EYA3: variants seen among roughly 807,000 people sequenced by gnomAD.
The protein encoded by EYA3 is protein phosphatase EYA3.
Under a neutral mutation model 80.0 loss-of-function variants are expected in EYA3, and 39 were observed. The ratio of observed to expected loss-of-function variants is 0.49; its 90% CI spans 0.38 to 0.64. The LOEUF is 0.64. Among genes scored for constraint, EYA3 ranks in the 30% least tolerant of loss-of-function variants. The pLI, the probability that EYA3 is intolerant of heterozygous loss-of-function variation, is 0.00. For missense variants in EYA3, 523 were observed against 676.1 expected (o/e 0.77, Z 2.51); for synonymous variants, 206 against 232.8 (o/e 0.88, Z 1.05).
intron 1 of EYA3, among the ~76,000 whole-genome samples, chr1:28,073,703 T>C (rs922718674): frequency 4.6e-5 from 7 of 152,152 alleles, no homozygotes; most frequent in Non-Finnish European, 8.8e-5. Flanking sequence ...CCCAGAGTGC[T>C]AGGATTACAG....
chr1:28,014,800 T>A (rs113621352), intron 8 of EYA3, among the ~76,000 whole-genome samples: 5 of 152,282 alleles, frequency 3.3e-5, no homozygotes, highest in African/African-American at 1.2e-4. Context: ...TGGCAAAACT[T>A]ACTAAACTGT....
intron 11 of EYA3, among the ~76,000 whole-genome samples, chr1:28,001,099 T>C (rs562107207): frequency 5.1e-4 from 77 of 151,348 alleles, no homozygotes; most frequent in Non-Finnish European, 9.4e-4. Context: ...TTTATACACA[T>C]ATCTATATCA....
At chr1:28,084,731 C>A (rs1645589638) in intron 1 of EYA3, among the ~76,000 whole-genome samples, 1 of 148,534 alleles carries the variant, frequency 6.7e-6, no homozygotes, top group African/African-American at 2.5e-5. Context: ...GCCTCAGTCT[C>A]CCGAGTAGCT....
At chr1:28,063,639 C>G (rs906888874) in intron 1 of EYA3, among the ~76,000 whole-genome samples, 4 of 152,150 alleles carry the variant, frequency 2.6e-5, no homozygotes, top group African/African-American at 9.7e-5. Context: ...TGAGCCACCA[C>G]ATCCGGCCTA....
chr1:28,007,112 T>A lies in EYA3; in HGVS notation c.910-2693A>T, dbSNP rs1323949189. On this transcript the variant is annotated intron_variant, in intron 10 of 17. Transcript: ENST00000373871. ...TGCACCACCAGGTCCGGCTAATTTT[T>A]TTTTATTTTTGTACTTTCAGTAGAG... 2.6e-5 allele frequency among the ~76,000 whole-genome samples: 4 copies of A among 151,598 alleles called. No homozygotes were observed. In the East Asian group the frequency reaches 7.8e-4, roughly 29 times the overall value.
At chr1:28,006,465 G>C (rs1345583927) in intron 10 of EYA3, among the ~76,000 whole-genome samples, 1 of 152,182 alleles carries the variant, frequency 6.6e-6, no homozygotes, top group African/African-American at 2.4e-5. Context: ...CCAGCACTTT[G>C]AGAGACTGAA....
intron 6 of EYA3, among the ~76,000 whole-genome samples, chr1:28,033,894 A>G (rs1055934673): frequency 3.3e-5 from 5 of 151,114 alleles, no homozygotes; most frequent in African/African-American, 1.2e-4. Context: ...TCCCGGCCTC[A>G]AGAGATCTGC....
At chr1:28,051,312 A>C (rs763692506) in intron 2 of EYA3, among the ~76,000 whole-genome samples, 1 of 152,172 alleles carries the variant, frequency 6.6e-6, no homozygotes, top group Non-Finnish European at 1.5e-5. Context: ...ACAAAAATCA[A>C]TTATATTTCT....
Position 28,027,775 on chromosome 1 carries a change from C to G in EYA3, c.499+14G>C. On this transcript the variant is annotated intron_variant, in intron 7 of 17. Transcript: ENST00000373871. Reference sequence around the variant, plus strand: ...TAATAATTTTAAAACACACACACAACCATGCCTATTTACCTTGAATGGGAT... The same window carrying G: ...TAATAATTTTAAAACACACACACAAGCATGCCTATTTACCTTGAATGGGAT... The G allele has an allele frequency of 6.2e-7, 1 of 1,613,726 alleles. No homozygotes were observed. Among genetic ancestry groups the G allele is most frequent in the East Asian group, 2.2e-5 (1 of 44,874 alleles).
intron 7 of EYA3, among the ~76,000 whole-genome samples, chr1:28,021,864 C>CAA (rs1338087655): frequency 1.3e-5 from 2 of 152,132 alleles, no homozygotes; most frequent in Non-Finnish European, 2.9e-5. Flanking sequence ...CTCAGCCTCT[C>CAA]AAAGTGCTGG....
intron 5 of EYA3, among the ~76,000 whole-genome samples, chr1:28,037,911 G>A (rs1260090599): frequency 6.6e-6 from 1 of 152,058 alleles, no homozygotes; most frequent in Non-Finnish European, 1.5e-5. Flanking sequence ...ACATATCCTG[G>A]CTTAATAAAT....
chr1:27,975,671 G>A (rs1638898103), intron 17 of EYA3, among the ~76,000 whole-genome samples: 2 of 151,750 alleles, frequency 1.3e-5, no homozygotes, highest in Admixed American at 6.6e-5. Context: ...ATTTTTAGTA[G>A]AGATGGGGTT....
At chr1:28,019,000 C>G (rs990841010) in intron 7 of EYA3, among the ~76,000 whole-genome samples, 1 of 151,862 alleles carries the variant, frequency 6.6e-6, no homozygotes, top group African/African-American at 2.4e-5. Context: ...ACCCCATCTC[C>G]ACTAAAAATA....
At chr1:28,026,638 G>C (rs1224791485) in intron 7 of EYA3, among the ~76,000 whole-genome samples, 1 of 151,738 alleles carries the variant, frequency 6.6e-6, no homozygotes, top group Non-Finnish European at 1.5e-5. Flanking sequence ...AAAAACCATA[G>C]AGAAATACTC....
At chr1:27,981,252 C>T (rs1639282555) in intron 16 of EYA3, among the ~76,000 whole-genome samples, 1 of 152,232 alleles carries the variant, frequency 6.6e-6, no homozygotes, top group Non-Finnish European at 1.5e-5. Context: ...GTTACCATAG[C>T]ACCAGATCCC....
Position 27,989,729 on chromosome 1 carries a change from A to C in EYA3, c.1386T>G (p.Thr462=). The C allele has an allele frequency of 6.2e-7, 1 of 1,612,352 alleles. No individual in the cohort carries two copies. Among genetic ancestry groups the C allele is most frequent in the Middle Eastern group, 1.7e-4 (1 of 6,050 alleles). ...GGATGAGAAGTAAGGACTTTAATGCAGTTCCTAACCAGGAATCTGTTAAAA... is the reference window on the plus strand; with the variant it reads ...GGATGAGAAGTAAGGACTTTAATGCCGTTCCTAACCAGGAATCTGTTAAAA... The part of the protein sequence containing the change: ...IEVLTDSWLG[T]ALKSLLLIQS... Residue 462 remains threonine (T), a synonymous_variant, in exon 15 of 18, where the codon ACT becomes ACG. Transcript: ENST00000373871.
At chr1:28,061,841 C>T (rs987582321) in intron 1 of EYA3, among the ~76,000 whole-genome samples, 1 of 152,060 alleles carries the variant, frequency 6.6e-6, no homozygotes, top group Admixed American at 6.5e-5. Context: ...CCTCGTGATC[C>T]GCCCACCTCA....
At chr1:27,995,556 G>A (rs1267770364) in intron 13 of EYA3, among the ~76,000 whole-genome samples, 1 of 150,640 alleles carries the variant, frequency 6.6e-6, no homozygotes, top group Non-Finnish European at 1.5e-5. Flanking sequence ...GGGCAACATG[G>A]CACTCTTGCC....
chr1:27,982,730 C>T lies in EYA3; in HGVS notation c.1541-4256G>A, dbSNP rs777645760. On this transcript the variant is annotated intron_variant, in intron 16 of 17. Coordinates refer to ENST00000373871, the MANE Select transcript of EYA3 (RefSeq NM_001990.4). ...GCCCCCGAGGAGCTGGGATTACAGG[C>T]GCACACCACCATGCCCAGCTAATTT... Among the ~76,000 whole-genome samples the T allele has an allele frequency of 2.6e-5, 4 of 151,900 alleles. No individual in the cohort carries two copies. The East Asian group carries it at 5.8e-4, about 22-fold the overall frequency.
Sources: allele counts gnomAD v4.1 joint callset (sites outside exome capture counted in the v4.1 genomes callset), GRCh38; gene constraint gnomAD v4.1.1; transcripts MANE v1.5; gene names NCBI Gene and HGNC (gene_info 2026-07-23, HGNC 2026-07-21).